The following KCNIP4 variants were observed in gnomAD, a reference collection of about 807,000 sequenced individuals.
The protein encoded by KCNIP4 is potassium voltage-gated channel interacting protein 4, also known as Kv channel-interacting protein 4.
A neutral mutation model predicts 34.0 loss-of-function variants in KCNIP4; 12 were observed. The observed-to-expected ratio is 0.35, with a 90% CI of 0.23 to 0.57. The LOEUF is 0.57. KCNIP4 is among the 20% of genes least tolerant of loss of function. The pLI, the probability that KCNIP4 is intolerant of heterozygous loss-of-function variation, is 0.83. For missense variants in KCNIP4, 238 were observed against 311.7 expected (o/e 0.76, Z 1.78); for synonymous variants, 124 against 102.2 (o/e 1.21, Z -1.29).
At chr4:21,299,926 A>G (rs1368655958) in intron 1 of KCNIP4, among the ~76,000 whole-genome samples, 1 of 152,200 alleles carries the variant, frequency 6.6e-6, no homozygotes, top group Non-Finnish European at 1.5e-5. Context: ...TTTGCTAAAT[A>G]AGGTGAGTTG....
At chr4:21,446,077 C>CATAGTGGGCACTCTCCAAGAGTGGTAG (rs1727959960) in intron 1 of KCNIP4, among the ~76,000 whole-genome samples, 5 of 152,104 alleles carry the variant, frequency 3.3e-5, no homozygotes, top group African/African-American at 1.2e-4. Context: ...CAATGAGATA[C>CATAGTGGGCACTCTCCAAGAGTGGTAG]CATCTCACAC....
At chr4:21,380,165 C>T (rs188025464) in intron 1 of KCNIP4, among the ~76,000 whole-genome samples, 18 of 152,066 alleles carry the variant, frequency 1.2e-4, no homozygotes, top group East Asian at 3.9e-4. Context: ...ATTGTAAAAA[C>T]GCTACACTAA....
chr4:21,000,774 C>T (rs902874726), intron 1 of KCNIP4, among the ~76,000 whole-genome samples: 1 of 152,142 alleles, frequency 6.6e-6, no homozygotes, highest in African/African-American at 2.4e-5. Context: ...TCACTACACA[C>T]CCCTTACTCA....
At chr4:21,307,017 T>C (rs564544075) in intron 1 of KCNIP4, among the ~76,000 whole-genome samples, 1 of 152,186 alleles carries the variant, frequency 6.6e-6, no homozygotes, top group East Asian at 1.9e-4. Context: ...AGACGGGGTT[T>C]CTCCATGTTG....
At chr4:21,277,605 A>G (rs1762517440) in intron 1 of KCNIP4, among the ~76,000 whole-genome samples, 2 of 152,350 alleles carry the variant, frequency 1.3e-5, no homozygotes, top group South Asian at 4.1e-4. Flanking sequence ...AGAATCTCAC[A>G]TAAAGAAATA....
rs141528270 is a variant in KCNIP4, at chr4:21,157,298, A to G, written c.62-274589T>C. Among the ~76,000 whole-genome samples, 6 of 152,246 alleles carry G rather than the reference A, an allele frequency of 3.9e-5. No individual in the cohort carries two copies. The East Asian group carries it at 1.2e-3, about 29-fold the overall frequency. On this transcript the variant is annotated intron_variant, in intron 1 of 8. Transcript: ENST00000382152. The stretch of plus-strand genomic sequence containing the variant: ...ATTGTTGAGGCTCCAAAGATACAAT[A>G]AACAAAACAGACAAAAATCCTCACC...
chr4:21,228,602 G>C (rs1352158908), intron 1 of KCNIP4, among the ~76,000 whole-genome samples: 1 of 152,180 alleles, frequency 6.6e-6, no homozygotes, highest in Non-Finnish European at 1.5e-5. Context: ...TCTGGGGTAT[G>C]AGCTCTATCT....
At chr4:21,017,055 T>C (rs1211875957) in intron 1 of KCNIP4, among the ~76,000 whole-genome samples, 1 of 152,210 alleles carries the variant, frequency 6.6e-6, no homozygotes, top group African/African-American at 2.4e-5. Context: ...CAATTCATTA[T>C]GTCAAGTGTT....
chr4:21,616,724 GTGTTCCTCT>G (rs969160743), intron 1 of KCNIP4, among the ~76,000 whole-genome samples: 1 of 152,048 alleles, frequency 6.6e-6, no homozygotes, highest in Non-Finnish European at 1.5e-5. Context: ...TAGTCACATA[GTGTTCCTCT>G]TGTGTGTCTC....
chr4:20,859,164 A>T (rs373464937), intron 2 of KCNIP4, among the ~76,000 whole-genome samples: 1 of 152,300 alleles, frequency 6.6e-6, no homozygotes, highest in East Asian at 1.9e-4. Flanking sequence ...TAAGAAACAC[A>T]TGGTAGAATA....
chr4:20,938,570 C>A (rs1731315960), intron 1 of KCNIP4, among the ~76,000 whole-genome samples: 1 of 152,136 alleles, frequency 6.6e-6, no homozygotes. Flanking sequence ...GGTCATTGAG[C>A]ATAAAACTGG....
chr4:21,432,098 A>ATATATAT (rs1726523628), intron 1 of KCNIP4, among the ~76,000 whole-genome samples: 1 of 38,808 alleles, frequency 2.6e-5, no homozygotes, highest in Non-Finnish European at 5.2e-5. Context: ...AAGCATATAT[A>ATATATAT]TATATATATA....
intron 1 of KCNIP4, among the ~76,000 whole-genome samples, chr4:20,954,543 T>C (rs1295561589): frequency 6.6e-6 from 1 of 152,114 alleles, no homozygotes; most frequent in Non-Finnish European, 1.5e-5. Flanking sequence ...AATAAATCGA[T>C]CAAGGTATAA....
intron 1 of KCNIP4, among the ~76,000 whole-genome samples, chr4:21,629,608 T>A (rs573998616): frequency 3.3e-5 from 5 of 152,280 alleles, no homozygotes; most frequent in African/African-American, 1.2e-4. Context: ...TAAAACTGTA[T>A]GTAAATAGAA....
intron 1 of KCNIP4, among the ~76,000 whole-genome samples, chr4:21,804,174 T>G (rs1428113764): frequency 6.6e-6 from 1 of 152,218 alleles, no homozygotes; most frequent in Non-Finnish European, 1.5e-5. Context: ...TGACTGGGTA[T>G]CTTAGTAGTT....
chr4:21,690,677 C>T (rs187251411), intron 1 of KCNIP4, among the ~76,000 whole-genome samples: 1 of 152,256 alleles, frequency 6.6e-6, no homozygotes, highest in African/African-American at 2.4e-5. Context: ...TATAAATTAC[C>T]CAGCCTCAGG....
chr4:21,587,122 A>G (rs541419360), intron 1 of KCNIP4, among the ~76,000 whole-genome samples: 56 of 152,132 alleles, frequency 3.7e-4, no homozygotes, highest in African/African-American at 1.3e-3. Flanking sequence ...ATGGCACACC[A>G]TTGTTGTTTG....
chr4:20,748,751 A>G (rs1752979227), intron 5 of KCNIP4, among the ~76,000 whole-genome samples: 1 of 150,190 alleles, frequency 6.7e-6, no homozygotes, highest in East Asian at 2.0e-4. Context: ...TATTTTCCCT[A>G]ACAAAAATAA....
intron 1 of KCNIP4, among the ~76,000 whole-genome samples, chr4:20,897,929 A>T (rs1440453315): frequency 6.6e-6 from 1 of 152,120 alleles, no homozygotes; most frequent in East Asian, 1.9e-4. Flanking sequence ...GGATACCCAG[A>T]TACCTGGTCA....
Sources: allele counts gnomAD v4.1 joint callset (sites outside exome capture counted in the v4.1 genomes callset), GRCh38; gene constraint gnomAD v4.1.1; transcripts MANE v1.5; gene names NCBI Gene and HGNC (gene_info 2026-07-23, HGNC 2026-07-21).